Variants in ADAM7 observed in about 807,000 individuals in gnomAD.
ADAM7 encodes disintegrin and metalloproteinase domain-containing protein 7.
In ADAM7, 97 loss-of-function variants were observed where a neutral mutation model predicts 102.9. The observed-to-expected ratio is 0.94, with a 90% confidence interval of 0.80 to 1.12. ADAM7 has a LOEUF of 1.12. Ranked by LOEUF, ADAM7 falls within the 50% of genes most tolerant of loss-of-function variation. The pLI, the probability that ADAM7 is intolerant of heterozygous loss-of-function variation, is 0.00. For synonymous variants in ADAM7, 334 were observed against 304.4 expected (o/e 1.10, Z -1.01); for missense variants, 991 against 908.7 (o/e 1.09, Z -1.16).
intron 3 of ADAM7, among the ~76,000 whole-genome samples, chr8:24,462,210 A>G (rs1819267894): frequency 6.6e-6 from 1 of 152,280 alleles, no homozygotes; most frequent in South Asian, 2.1e-4. Context: ...CAGTTGTTTT[A>G]TTCTTAGCAT....
chr8:24,462,469 T>C (rs1028590008), intron 3 of ADAM7, among the ~76,000 whole-genome samples: 2 of 152,200 alleles, frequency 1.3e-5, no homozygotes, highest in African/African-American at 4.8e-5. Context: ...TCAAGCTAAA[T>C]GCTGTAAAAC....
intron 3 of ADAM7, among the ~76,000 whole-genome samples, chr8:24,448,505 A>T (rs1193509959): frequency 6.6e-6 from 1 of 152,154 alleles, no homozygotes; most frequent in Non-Finnish European, 1.5e-5. Flanking sequence ...AGTGCATACC[A>T]CAGAGCCTCT....
At chr8:24,467,758 T>G (rs1819476902) in intron 6 of ADAM7, 1 of 152,202 alleles carries the variant, frequency 6.6e-6, no homozygotes, top group Non-Finnish European at 1.5e-5. Context: ...TTCCTGGTAT[T>G]GGTGTTTTAT....
At chr8:24,494,838 A>T (rs1384598227) in intron 16 of ADAM7, among the ~76,000 whole-genome samples, 1 of 152,202 alleles carries the variant, frequency 6.6e-6, no homozygotes, top group Admixed American at 6.5e-5. Context: ...GAGTAGGCTA[A>T]CGAGATGGAA....
intron 20 of ADAM7, among the ~76,000 whole-genome samples, chr8:24,504,049 AAAATAAAATAAAAT>A (rs869285181): frequency 7.7e-5 from 8 of 103,352 alleles, no homozygotes; most frequent in African/African-American, 1.5e-4. Context: ...AAAATAAAAT[AAAATAAAATAAAAT>A]AAATAAAATA....
At chr8:24,441,828 G>C (rs1252607097) in intron 1 of ADAM7, among the ~76,000 whole-genome samples, 1 of 152,194 alleles carries the variant, frequency 6.6e-6, no homozygotes, top group South Asian at 2.1e-4. Context: ...CAGGACAACA[G>C]TGCAGGCTTT....
chr8:24,462,303 A>T (rs1479798793), intron 3 of ADAM7, among the ~76,000 whole-genome samples: 1 of 152,128 alleles, frequency 6.6e-6, no homozygotes, highest in Non-Finnish European at 1.5e-5. Flanking sequence ...AGAACTGAGG[A>T]TTCTCCCCGC....
Position 24,476,437 on chromosome 8 carries a change from G to A in ADAM7, c.638G>A (p.Arg213His), listed in dbSNP as rs746112199. 24 of 1,597,742 alleles carry A rather than the reference G, an allele frequency of 1.5e-5. No homozygotes were observed. Among genetic ancestry groups the A allele is most frequent in the South Asian group, 1.2e-4 (11 of 88,662 alleles). ...ATATGATATTTATATTTCCAGTATCGCAGAAATGGTCATCCTCACAATAAA... is the reference window on the plus strand; with the variant it reads ...ATATGATATTTATATTTCCAGTATCACAGAAATGGTCATCCTCACAATAAA... ...LFIVADDTVY[R>H]RNGHPHNKLR... Residue 213 changes from arginine to histidine, a missense_variant, in exon 8 of 22, where the codon CGC becomes CAC. Transcript: ENST00000175238.
intron 3 of ADAM7, 49 bp from the exon 4 acceptor site, chr8:24,463,833 A>G: frequency 6.8e-7 from 1 of 1,477,416 alleles, no homozygotes. Flanking sequence ...TTTATCTGTC[A>G]GGTTTTTAGA....
At chr8:24,447,134 A>G in intron 2 of ADAM7, 52 bp from the exon 3 acceptor site, 1 of 1,076,238 alleles carries the variant, frequency 9.3e-7, no homozygotes, top group Non-Finnish European at 1.4e-6. Context: ...CTTGCTCCAG[A>G]ACACACTAAA....
chr8:24,444,442 G>T (rs866501560), intron 2 of ADAM7, among the ~76,000 whole-genome samples: 1 of 151,820 alleles, frequency 6.6e-6, no homozygotes, highest in East Asian at 1.9e-4. Flanking sequence ...CATACTGAAG[G>T]GGGGAAAGAG....
chr8:24,505,010 C>T lies in ADAM7; in HGVS notation c.2209-2470C>T, dbSNP rs77005909. The stretch of plus-strand genomic sequence containing the variant: ...ACACTGAGATTTTCAGGAAAGAAAC[C>T]GCATGATGCTAATGTAATTCTCATT... On this transcript the variant is annotated intron_variant, in intron 20 of 21. Transcript: ENST00000175238. 8.1e-3 allele frequency among the ~76,000 whole-genome samples: 1,233 copies of T among 151,970 alleles called. 25 individuals carry two copies. Among genetic ancestry groups the T allele is most frequent in the African/African-American group, 0.028 (1,174 of 41,428 alleles).
rs151067860 is a variant in ADAM7, at chr8:24,465,812, T to C, written c.389+37T>C. ...TATCTTTCTTTTTCCTTTATGAGTT[T>C]TCCTATGGATTTTCAAAGAAGTTAA... On this transcript the variant is annotated intron_variant, in intron 5 of 21. Coordinates refer to ENST00000175238, the MANE Select transcript of ADAM7 (RefSeq NM_003817.4). 29 of 1,473,028 alleles carry C rather than the reference T, an allele frequency of 2.0e-5. No homozygotes were observed. The East Asian group carries it at 6.8e-4, about 34-fold the overall frequency. The allele number at this position is 1,473,028 out of a possible 1,614,324, so 91.2% of individuals were successfully genotyped here.
chr8:24,455,082 C>G (rs1269935663), intron 3 of ADAM7, among the ~76,000 whole-genome samples: 2 of 151,918 alleles, frequency 1.3e-5, no homozygotes, highest in African/African-American at 4.8e-5. Context: ...TTCAAAACAA[C>G]CACAAAATAA....
At chr8:24,454,441 G>A (rs888267402) in intron 3 of ADAM7, among the ~76,000 whole-genome samples, 17 of 152,180 alleles carry the variant, frequency 1.1e-4, no homozygotes, top group African/African-American at 2.9e-4. Flanking sequence ...CTCCATGGGC[G>A]TAAGACCCTC....
At chr8:24,484,802 CT>C (rs544478529) in intron 9 of ADAM7, among the ~76,000 whole-genome samples, 12,565 of 91,792 alleles carry the variant, frequency 0.14, 735 homozygotes, top group African/African-American at 0.24. Flanking sequence ...ATTGCACTGG[CT>C]TTTTTTTTTT....
At position 24,487,334 on chromosome 8, in the gene ADAM7, G is replaced by A; in HGVS notation, c.1091+17G>A. 9 of 1,612,136 alleles carry A rather than the reference G, an allele frequency of 5.6e-6. No individual in the cohort carries two copies. The highest frequency in any genetic ancestry group is 7.6e-6 in the Non-Finnish European group (9 of 1,178,982). ...TGATGGAAGGTGAGATTCGAACAAT[G>A]TACAGAATACACTTACATAATTCAG... On this transcript the variant is annotated intron_variant, in intron 11 of 21. Transcript: ENST00000175238.
intron 16 of ADAM7, among the ~76,000 whole-genome samples, chr8:24,498,110 A>G (rs1008804090): frequency 1.1e-4 from 17 of 151,998 alleles, no homozygotes; most frequent in African/African-American, 4.1e-4. Flanking sequence ...TAAATTTAGA[A>G]GGTAAAATAA....
At chr8:24,482,700 G>T (rs1333718399) in intron 9 of ADAM7, among the ~76,000 whole-genome samples, 1 of 152,044 alleles carries the variant, frequency 6.6e-6, no homozygotes, top group African/African-American at 2.4e-5. Context: ...CATGAGCTGT[G>T]GTTGTGCCAC....
Sources: allele counts gnomAD v4.1 joint callset (sites outside exome capture counted in the v4.1 genomes callset), GRCh38; gene constraint gnomAD v4.1.1; transcripts MANE v1.5; gene names NCBI Gene and HGNC (gene_info 2026-07-23, HGNC 2026-07-21).